Variants in RBM47 observed in about 807,000 individuals in gnomAD.
RBM47 encodes RNA binding motif protein 47, also known as RNA-binding protein 47.
A neutral mutation model predicts 47.1 loss-of-function variants in RBM47; 21 were observed. The observed-to-expected ratio is 0.45, with a 90% CI of 0.32 to 0.64. RBM47 has a LOEUF of 0.64. Ranked by LOEUF, RBM47 falls within the 30% of genes least tolerant of loss-of-function variation. RBM47 has a pLI of 0.05. For missense variants in RBM47, 708 were observed against 870.9 expected (o/e 0.81, Z 2.35); for synonymous variants, 375 against 361.7 (o/e 1.04, Z -0.42).
chr4:40,470,412 A>G (rs1226241133), intron 2 of RBM47, among the ~76,000 whole-genome samples: 3 of 152,122 alleles, frequency 2.0e-5, no homozygotes, highest in Non-Finnish European at 4.4e-5. Context: ...TCTTCAACAC[A>G]TGGGGGGACT....
intron 4 of RBM47, among the ~76,000 whole-genome samples, chr4:40,437,176 C>T (rs1275690504): frequency 1.7e-5 from 2 of 117,684 alleles, no homozygotes; most frequent in African/African-American, 3.4e-5. Context: ...ATATATAATA[C>T]ATATATATAT....
At chr4:40,598,478 G>A (rs1295834744) in intron 1 of RBM47, among the ~76,000 whole-genome samples, 1 of 152,020 alleles carries the variant, frequency 6.6e-6, no homozygotes, top group Non-Finnish European at 1.5e-5. Flanking sequence ...AAACTTTCCT[G>A]AGCTTAAGCA....
rs561074658 is a variant in RBM47, at chr4:40,588,138, G to T, written c.-240+41258C>A. Among the ~76,000 whole-genome samples the T allele has an allele frequency of 4.6e-5, 7 of 152,284 alleles. No homozygotes were observed. In the East Asian group the frequency reaches 1.2e-3, roughly 25 times the overall value. Reference sequence around the variant, plus strand: ...AAGACAGTTGCCACATAAAATAAAGGATACGCAGTAAATCTGAATATCAGA... The same window carrying T: ...AAGACAGTTGCCACATAAAATAAAGTATACGCAGTAAATCTGAATATCAGA... On this transcript the variant is annotated intron_variant, in intron 1 of 6. Transcript: ENST00000295971.
At chr4:40,576,232 T>C (rs1316165102) in intron 1 of RBM47, among the ~76,000 whole-genome samples, 17 of 127,936 alleles carry the variant, frequency 1.3e-4, no homozygotes, top group Admixed American at 9.2e-5. Context: ...TTTTTCTTTC[T>C]CTTTTCTGTT....
chr4:40,517,133 C>T (rs1725676022), intron 2 of RBM47, among the ~76,000 whole-genome samples: 1 of 148,364 alleles, frequency 6.7e-6, no homozygotes, highest in Non-Finnish European at 1.5e-5. Context: ...TCCCTCCTTC[C>T]TTCCTTCCTT....
intron 1 of RBM47, among the ~76,000 whole-genome samples, chr4:40,552,812 C>T (rs1193973044): frequency 1.3e-5 from 2 of 152,232 alleles, no homozygotes; most frequent in Non-Finnish European, 2.9e-5. Context: ...CCAGCTCATC[C>T]TCTTCTCCTG....
intron 2 of RBM47, among the ~76,000 whole-genome samples, chr4:40,518,420 C>T (rs1043446629): frequency 6.6e-6 from 1 of 152,088 alleles, no homozygotes; most frequent in Non-Finnish European, 1.5e-5. Context: ...AAGTGATCCA[C>T]CTGCCTCGGC....
At position 40,435,954 on chromosome 4, in the gene RBM47, C is replaced by T. The variant is rs372357996; in HGVS notation, c.1330+487G>A. On this transcript the variant is annotated intron_variant, in intron 5 of 6. Coordinates refer to ENST00000295971, the MANE Select transcript of RBM47 (RefSeq NM_001098634.2). ...CGGGTGGATCATAAGGTCAGGAGATCGAGACCATCCTGGCTAACACGGTGA... is the reference window on the plus strand; with the variant it reads ...CGGGTGGATCATAAGGTCAGGAGATTGAGACCATCCTGGCTAACACGGTGA... 1.1e-3 allele frequency among the ~76,000 whole-genome samples: 163 copies of T among 144,156 alleles called. 1 individual carries two copies. The South Asian group carries it at 0.02, about 18-fold the overall frequency. 94.6% of individuals were successfully genotyped at this position (144,156 alleles called of 152,430 possible).
chr4:40,427,606 T>C (rs765179981), intron 6 of RBM47: 68 of 152,304 alleles, frequency 4.5e-4, no homozygotes, highest in African/African-American at 1.3e-3. Flanking sequence ...TCATGAGCCA[T>C]AGAATGCCTG....
At chr4:40,529,515 CAAAAAAAAAAA>C (rs56381747) in intron 2 of RBM47, among the ~76,000 whole-genome samples, 230 of 18,348 alleles carry the variant, frequency 0.013, no homozygotes, top group African/African-American at 0.039. Flanking sequence ...GACTCTGTCA[CAAAAAAAAAAA>C]AAAAAAAAAA....
Position 40,434,002 on chromosome 4 carries a change from GGTGTGTGTGTGT to G in RBM47, c.1331-1152_1331-1141del, listed in dbSNP as rs1166329290. Among the ~76,000 whole-genome samples, 8 of 45,632 alleles carry G rather than the reference GGTGTGTGTGTGT, an allele frequency of 1.8e-4. 1 individual carries two copies. In the South Asian group the frequency reaches 8.1e-3, roughly 46 times the overall value. 29.9% of individuals were successfully genotyped at this position (45,632 alleles called of 152,430 possible). A position where few individuals can be genotyped will look rare whatever the true frequency, so the allele number is the denominator to read the frequency against. On this transcript the variant is annotated intron_variant, in intron 5 of 6. Coordinates refer to ENST00000295971, the MANE Select transcript of RBM47 (RefSeq NM_001098634.2). Reference sequence around the variant, plus strand: ...TGTGAGTGTGTGTGTGTGGGGCGGGGGTGTGTGTGTGTGTGTGTGTGTGTGTGTGTGTGTGTG... The same window carrying G: ...TGTGAGTGTGTGTGTGTGGGGCGGGGGTGTGTGTGTGTGTGTGTGTGTGTG...
At chr4:40,578,485 C>T (rs1732549801) in intron 1 of RBM47, among the ~76,000 whole-genome samples, 1 of 152,168 alleles carries the variant, frequency 6.6e-6, no homozygotes, top group Admixed American at 6.5e-5. Context: ...ATAGGATTTT[C>T]CTCCTGACAC....
chr4:40,481,484 TTA>T (rs1358380210), intron 2 of RBM47, among the ~76,000 whole-genome samples: 66 of 116,314 alleles, frequency 5.7e-4, no homozygotes, highest in South Asian at 2.4e-3. Context: ...ATTATTATTA[TTA>T]TTTTTATTTT....
In RBM47 at chr4:40,474,886, GA is replaced by G. The variant is rs1345813889; in HGVS notation, c.-154-8188del. ...ACATTGATTCATCATAATGAGAAGG[GA>G]GAAGGGTTAAGAGAGAAGAGTATTT... On this transcript the variant is annotated intron_variant, in intron 2 of 6. Transcript: ENST00000295971. 2.6e-5 allele frequency among the ~76,000 whole-genome samples: 4 copies of G among 152,202 alleles called. No individual in the cohort carries two copies. In the East Asian group the frequency reaches 5.8e-4, roughly 22 times the overall value.
chr4:40,496,030 T>G (rs1722520001), intron 2 of RBM47, among the ~76,000 whole-genome samples: 1 of 152,210 alleles, frequency 6.6e-6, no homozygotes, highest in South Asian at 2.1e-4. Flanking sequence ...TAAGAAACAA[T>G]TGATCATCCC....
chr4:40,502,434 C>T (rs183478436), intron 2 of RBM47, among the ~76,000 whole-genome samples: 1 of 152,236 alleles, frequency 6.6e-6, no homozygotes, highest in Admixed American at 6.5e-5. Flanking sequence ...AGAAATGCTT[C>T]CCCAGCTAAG....
At chr4:40,440,631 C>T (rs1713475598) in intron 3 of RBM47, among the ~76,000 whole-genome samples, 1 of 152,162 alleles carries the variant, frequency 6.6e-6, no homozygotes, top group Admixed American at 6.5e-5. Flanking sequence ...TAATATCAAG[C>T]GGCAGTACAG....
intron 5 of RBM47, among the ~76,000 whole-genome samples, chr4:40,435,823 A>G (rs914392065): frequency 3.3e-5 from 5 of 151,974 alleles, no homozygotes; most frequent in Non-Finnish European, 1.5e-5. Context: ...ACTTAGCCAC[A>G]GACTGAGACA....
chr4:40,604,714 T>TTTGTTG (rs57799277), intron 1 of RBM47, among the ~76,000 whole-genome samples: 40 of 151,754 alleles, frequency 2.6e-4, no homozygotes, highest in African/African-American at 8.7e-4. Flanking sequence ...CACATGGCTC[T>TTTGTTG]TTGTTGTTGT....
Sources: allele counts gnomAD v4.1 joint callset (sites outside exome capture counted in the v4.1 genomes callset), GRCh38; gene constraint gnomAD v4.1.1; transcripts MANE v1.5; gene names NCBI Gene and HGNC (gene_info 2026-07-23, HGNC 2026-07-21).